SORCS3: variants seen among roughly 807,000 people sequenced by gnomAD.
SORCS3 encodes the protein VPS10 domain-containing receptor SorCS3.
Under a neutral mutation model 146.3 loss-of-function variants are expected in SORCS3, and 57 were observed. The ratio of observed to expected loss-of-function variants is 0.39; its 90% CI spans 0.31 to 0.49. The LOEUF (loss-of-function observed/expected upper bound fraction) is 0.49, where lower values mean the gene tolerates loss of function less well. Among genes scored for constraint, SORCS3 ranks in the 20% least tolerant of loss-of-function variants. The probability of loss-of-function intolerance (pLI) is 0.92; values close to 1 mark genes in which losing one functional copy is unlikely to be tolerated. For missense variants in SORCS3, 1,341 were observed against 1,575.5 expected, an observed-to-expected ratio of 0.85 and a Z score of 2.52; for synonymous variants, 653 against 618.5, an observed-to-expected ratio of 1.06 and a Z score of -0.83.
chr10:104,989,210 T>G (rs917959738), intron 4 of SORCS3, among the ~76,000 whole-genome samples: 3 of 152,204 alleles, frequency 2.0e-5, no homozygotes, highest in Non-Finnish European at 4.4e-5. Flanking sequence ...CTTGGTAATT[T>G]TTATAAAATC....
At chr10:104,647,985 G>A (rs1228122689) in intron 1 of SORCS3, among the ~76,000 whole-genome samples, 2 of 152,224 alleles carry the variant, frequency 1.3e-5, no homozygotes, top group Admixed American at 6.5e-5. Flanking sequence ...GTGTGATAGA[G>A]AGGAGACAAA....
At chr10:105,010,360 A>C (rs2055127084) in intron 4 of SORCS3, among the ~76,000 whole-genome samples, 1 of 152,226 alleles carries the variant, frequency 6.6e-6, no homozygotes, top group Non-Finnish European at 1.5e-5. Context: ...TGAAGGATGG[A>C]ATCTCAGTTA....
At chr10:104,926,533 T>C (rs1340051) in intron 3 of SORCS3, among the ~76,000 whole-genome samples, 74,867 of 152,106 alleles carry the variant, frequency 0.49, 22,166 homozygotes, top group African/African-American at 0.84. Context: ...CAGAAAAGAC[T>C]CCTTGCACCC....
chr10:105,130,682 C>A (rs1016808010), intron 7 of SORCS3, among the ~76,000 whole-genome samples: 9 of 152,178 alleles, frequency 5.9e-5, no homozygotes, highest in African/African-American at 2.2e-4. Flanking sequence ...TATGTTAGGG[C>A]ACCAATAAAA....
chr10:105,042,211 G>C (rs79936893), intron 4 of SORCS3, among the ~76,000 whole-genome samples: 1 of 152,134 alleles, frequency 6.6e-6, no homozygotes, highest in African/African-American at 2.4e-5. Flanking sequence ...CTTAGAGGCA[G>C]GCAGTGAATA....
At chr10:104,754,123 G>A (rs527397883) in intron 1 of SORCS3, among the ~76,000 whole-genome samples, 3 of 152,278 alleles carry the variant, frequency 2.0e-5, no homozygotes, top group East Asian at 1.9e-4. Flanking sequence ...TTTTGTGAAT[G>A]TTTGGTGCTT....
At chr10:104,793,694 C>T (rs1183967417) in intron 1 of SORCS3, among the ~76,000 whole-genome samples, 1 of 152,106 alleles carries the variant, frequency 6.6e-6, no homozygotes, top group Non-Finnish European at 1.5e-5. Context: ...GTGACACAGA[C>T]AGAGCAGCAA....
At chr10:105,233,253 G>A (rs917071772) in intron 20 of SORCS3, among the ~76,000 whole-genome samples, 1 of 151,808 alleles carries the variant, frequency 6.6e-6, no homozygotes, top group Non-Finnish European at 1.5e-5. Context: ...CTAAATTCTT[G>A]TCTCTTGCCT....
At chr10:105,217,237 C>A in intron 19 of SORCS3, 115 bp downstream of exon 19, 1 of 946,036 alleles carries the variant, frequency 1.1e-6, no homozygotes, top group East Asian at 2.5e-5. Context: ...CTACAATTAC[C>A]CAAACCAAAT....
At chr10:104,663,445 T>G (rs2015727327) in intron 1 of SORCS3, among the ~76,000 whole-genome samples, 1 of 152,188 alleles carries the variant, frequency 6.6e-6, no homozygotes, top group African/African-American at 2.4e-5. Flanking sequence ...TATTAAAAGT[T>G]GAAAGAGACT....
chr10:104,932,980 G>A (rs1458719182), intron 3 of SORCS3, among the ~76,000 whole-genome samples: 1 of 152,042 alleles, frequency 6.6e-6, no homozygotes, highest in Non-Finnish European at 1.5e-5. Flanking sequence ...ATCCTCCTGT[G>A]TTGGCCTCAA....
intron 3 of SORCS3, among the ~76,000 whole-genome samples, chr10:104,929,414 C>G (rs1331405551): frequency 6.6e-6 from 1 of 152,126 alleles, no homozygotes; most frequent in African/African-American, 2.4e-5. Context: ...TTCTTTATAT[C>G]AGCAAATATA....
chr10:104,818,889 T>C (rs1432005251), intron 1 of SORCS3, among the ~76,000 whole-genome samples: 2 of 152,088 alleles, frequency 1.3e-5, no homozygotes, highest in Non-Finnish European at 2.9e-5. Context: ...CATGACCGTG[T>C]GGGACTTTTT....
intron 1 of SORCS3, among the ~76,000 whole-genome samples, chr10:104,690,899 C>G (rs1042783317): frequency 6.6e-6 from 1 of 152,208 alleles, no homozygotes; most frequent in Non-Finnish European, 1.5e-5. Context: ...TGTTTGGATA[C>G]AGATTTTACA....
At chr10:104,934,448 T>A (rs979968652) in intron 3 of SORCS3, among the ~76,000 whole-genome samples, 2 of 152,238 alleles carry the variant, frequency 1.3e-5, no homozygotes, top group African/African-American at 4.8e-5. Context: ...GTATCTTGTA[T>A]GTTTTTGTGT....
intron 17 of SORCS3, among the ~76,000 whole-genome samples, chr10:105,213,159 T>C (rs986205469): frequency 2.0e-5 from 3 of 152,104 alleles, no homozygotes; most frequent in Non-Finnish European, 4.4e-5. Flanking sequence ...ATAAGCTCAG[T>C]TGACAAAAAA....
intron 7 of SORCS3, among the ~76,000 whole-genome samples, chr10:105,129,522 G>A (rs1348120249): frequency 2.0e-5 from 3 of 151,742 alleles, no homozygotes; most frequent in African/African-American, 7.3e-5. Flanking sequence ...CTATAACACT[G>A]AAAGTATTAG....
chr10:104,973,712 T>C (rs1405039408), intron 3 of SORCS3, among the ~76,000 whole-genome samples: 3 of 150,258 alleles, frequency 2.0e-5, no homozygotes, highest in Admixed American at 2.0e-4. Flanking sequence ...CTGCTCTGAT[T>C]TTAGTTATTT....
intron 1 of SORCS3, among the ~76,000 whole-genome samples, chr10:104,718,617 G>T (rs2016507730): frequency 6.6e-6 from 1 of 152,174 alleles, no homozygotes; most frequent in Non-Finnish European, 1.5e-5. Context: ...GGTATCTACT[G>T]CAGGAAATAA....
Sources: allele counts gnomAD v4.1 joint callset (sites outside exome capture counted in the v4.1 genomes callset), GRCh38; gene constraint gnomAD v4.1.1; transcripts MANE v1.5; gene names NCBI Gene and HGNC (gene_info 2026-07-23, HGNC 2026-07-21).